Variants in AQR observed in about 807,000 individuals in gnomAD.
The protein encoded by AQR is aquarius intron-binding spliceosomal factor.
A neutral mutation model predicts 180.5 loss-of-function variants in AQR; 61 were observed. That is an observed-to-expected ratio of 0.34 (90% confidence interval 0.28 to 0.42). AQR has a LOEUF of 0.42. Among genes scored for constraint, AQR ranks in the 10% least tolerant of loss-of-function variants. The probability of loss-of-function intolerance (pLI) is 1.00; values close to 1 mark genes in which losing one functional copy is unlikely to be tolerated. For synonymous variants in AQR, 551 were observed against 588.8 expected (o/e 0.94, Z 0.93); for missense variants, 1,281 against 1,798.3 (o/e 0.71, Z 5.20).
intron 33 of AQR, among the ~76,000 whole-genome samples, chr15:34,861,976 A>C (rs1356009769): frequency 6.6e-6 from 1 of 152,148 alleles, no homozygotes; most frequent in African/African-American, 2.4e-5. Flanking sequence ...AGCAAAGCCC[A>C]AAAGTCTATA....
intron 2 of AQR, among the ~76,000 whole-genome samples, chr15:34,961,104 T>G (rs1316266188): frequency 1.3e-5 from 2 of 152,146 alleles, no homozygotes; most frequent in East Asian, 3.8e-4. Context: ...AGATCAGGAT[T>G]TTTTTTAAAC....
intron 10 of AQR, 115 bp downstream of exon 10, chr15:34,934,456 T>C (rs945023480): frequency 2.7e-5 from 12 of 446,266 alleles, no homozygotes; most frequent in African/African-American, 2.5e-4. Context: ...ATAATAAATA[T>C]ATACATATGT....
At chr15:34,910,061 T>C (rs1253273873) in intron 17 of AQR, 74 bp downstream of exon 17, 1 of 1,511,612 alleles carries the variant, frequency 6.6e-7, no homozygotes, top group African/African-American at 1.4e-5. Flanking sequence ...TTAGTAAAAG[T>C]ACTTTGTTAA....
chr15:34,962,604 A>T (rs1172893645), intron 2 of AQR, among the ~76,000 whole-genome samples: 1 of 152,012 alleles, frequency 6.6e-6, no homozygotes, highest in Non-Finnish European at 1.5e-5. Flanking sequence ...CCCCGTCTCT[A>T]CTAAAAATAC....
At chr15:34,962,586 T>C (rs2050285996) in intron 2 of AQR, among the ~76,000 whole-genome samples, 2 of 151,952 alleles carry the variant, frequency 1.3e-5, no homozygotes. Context: ...CTGGCCAACA[T>C]GGTAAAACCC....
Position 34,906,555 on chromosome 15 carries a change from G to T in AQR, c.1821C>A (p.Val607=). The T allele has an allele frequency of 1.2e-6, 2 of 1,613,860 alleles. No homozygotes were observed. Among genetic ancestry groups the T allele is most frequent in the South Asian group, 1.1e-5 (1 of 91,026 alleles). ...IQGMLDDKGR[V]IEDGPEPRPN... ...TATAGGTCACCATACCATCTTCAATGACACGTCCTTTATCATCCAGCATGC... is the reference window on the plus strand; with the variant it reads ...TATAGGTCACCATACCATCTTCAATTACACGTCCTTTATCATCCAGCATGC... The change falls in exon 18 of 35, where the codon GTC becomes GTA. Residue 607 remains valine, a synonymous_variant. Coordinates refer to ENST00000156471, the MANE Select transcript of AQR (RefSeq NM_014691.3).
chr15:34,918,588 A>G (rs977216012), intron 14 of AQR, among the ~76,000 whole-genome samples: 6 of 152,316 alleles, frequency 3.9e-5, no homozygotes, highest in African/African-American at 1.4e-4. Flanking sequence ...TTCAAATCCC[A>G]GCTCCTCTAC....
chr15:34,904,226 CATT>C, intron 19 of AQR, 107 bp downstream of exon 19: 1 of 662,574 alleles, frequency 1.5e-6, no homozygotes, highest in Non-Finnish European at 2.3e-6. Context: ...TAAAAGCAGT[CATT>C]ATTTTTTTCT....
At chr15:34,913,447 G>A (rs1200885055) in intron 16 of AQR, among the ~76,000 whole-genome samples, 2 of 151,934 alleles carry the variant, frequency 1.3e-5, no homozygotes, top group African/African-American at 2.4e-5. Context: ...TTTAGGTTTC[G>A]ACATTTTTAA....
chr15:34,878,998 A>G (rs1892929017), intron 27 of AQR, among the ~76,000 whole-genome samples: 1 of 151,980 alleles, frequency 6.6e-6, no homozygotes. Context: ...ACTGCACTCT[A>G]GCCTGGGCAA....
rs890464537 is a variant in AQR, at chr15:34,964,819, T to C, written c.76-529A>G. Reference sequence around the variant, plus strand: ...ATTACAGAGAATATAAGAGCTGGCATATTTCAGCAGATTAGGCTTGACCTG... The same window carrying C: ...ATTACAGAGAATATAAGAGCTGGCACATTTCAGCAGATTAGGCTTGACCTG... On this transcript the variant is annotated intron_variant, in intron 1 of 34. Coordinates refer to ENST00000156471, the MANE Select transcript of AQR (RefSeq NM_014691.3). 7.9e-5 allele frequency among the ~76,000 whole-genome samples: 12 copies of C among 151,854 alleles called. 1 individual carries two copies.
intron 20 of AQR, among the ~76,000 whole-genome samples, chr15:34,899,697 G>C (rs1017751996): frequency 3.3e-5 from 5 of 150,468 alleles, no homozygotes; most frequent in Non-Finnish European, 7.4e-5. Context: ...TATATATACA[G>C]TTGAAAGCTG....
chr15:34,865,428 C>G lies in AQR; in HGVS notation c.3854+2096G>C, dbSNP rs138149710. Among the ~76,000 whole-genome samples the G allele has an allele frequency of 5.0e-3, 761 of 152,162 alleles. 4 individuals are homozygous for G. Among genetic ancestry groups the G allele is most frequent in the Non-Finnish European group, 7.3e-3 (494 of 67,968 alleles). On this transcript the variant is annotated intron_variant, in intron 32 of 34. Coordinates refer to ENST00000156471, the MANE Select transcript of AQR (RefSeq NM_014691.3). Reference sequence around the variant, plus strand: ...TGAAGCTGGCTCCAACCCAATCACCCAATTAGTCCACCCTGGCTGAAAAAA... The same window carrying G: ...TGAAGCTGGCTCCAACCCAATCACCGAATTAGTCCACCCTGGCTGAAAAAA...
chr15:34,946,908 G>A (rs1473717208), intron 5 of AQR, among the ~76,000 whole-genome samples: 18 of 148,482 alleles, frequency 1.2e-4, no homozygotes, highest in African/African-American at 3.3e-4. Flanking sequence ...CCCCCCGTCC[G>A]GCCAGCCGCC....
Position 34,930,292 on chromosome 15 carries a change from G to A in AQR, c.980C>T (p.Thr327Ile). 1 of 1,607,426 alleles carries A rather than the reference G, an allele frequency of 6.2e-7. No individual in the cohort carries two copies. Among genetic ancestry groups the A allele is most frequent in the Non-Finnish European group, 8.5e-7 (1 of 1,174,912 alleles). ...AGTAATTCTATCATAGTGAATTGTG[G>A]TCATCTCATTCTCTGTCAGAGCATT... ...TGNALTENEMTTIHYDRITSL... is the reference protein window; with the variant it reads ...TGNALTENEMITIHYDRITSL... The change falls in exon 12 of 35, where the codon ACC (threonine) becomes ATC (isoleucine). Residue 327 changes from threonine to isoleucine, a missense_variant. Physicochemically the swap from Thr to Ile is moderately conservative, Grantham distance 89 (BLOSUM62 -1). Transcript: ENST00000156471.
In AQR at chr15:34,927,271, C is replaced by T. The variant is rs116522264; in HGVS notation, c.1015-133G>A. 3.3e-3 allele frequency: 1,385 copies of T among 425,998 alleles called. 11 individuals carry two copies. Among genetic ancestry groups the T allele is most frequent in the African/African-American group, 0.022 (1,088 of 48,462 alleles). 26.4% of individuals were successfully genotyped at this position (425,998 alleles called of 1,614,324 possible). A position where few individuals can be genotyped will look rare whatever the true frequency, so the allele number is the denominator to read the frequency against. On this transcript the variant is annotated intron_variant, in intron 12 of 34. Coordinates refer to ENST00000156471, the MANE Select transcript of AQR (RefSeq NM_014691.3). The stretch of plus-strand genomic sequence containing the variant: ...CTCTTATATGCTTCTTTTATGTGAC[C>T]TCTACCTTAATCAGACAGAAGCATA...
At chr15:34,937,831 C>T (rs1201692143) in intron 9 of AQR, among the ~76,000 whole-genome samples, 3 of 151,830 alleles carry the variant, frequency 2.0e-5, no homozygotes, top group Admixed American at 1.3e-4. Context: ...TTGCAGTGAG[C>T]CAAGATTGTG....
chr15:34,908,279 T>C (rs763901653), intron 17 of AQR, among the ~76,000 whole-genome samples: 3 of 151,888 alleles, frequency 2.0e-5, no homozygotes, highest in African/African-American at 4.8e-5. Context: ...CTACTAAAAA[T>C]ACAAAAAATT....
At chr15:34,935,966 C>T (rs946027969) in intron 9 of AQR, among the ~76,000 whole-genome samples, 8 of 152,120 alleles carry the variant, frequency 5.3e-5, no homozygotes, top group African/African-American at 1.9e-4. Flanking sequence ...TCTTTATTTA[C>T]GTCTTGACAA....
Sources: gnomAD v4.1 joint callset for allele counts (sites outside exome capture counted in the v4.1 genomes callset) on GRCh38, gnomAD v4.1.1 for gene constraint, MANE v1.5 for transcripts, NCBI Gene and HGNC (gene_info 2026-07-23, HGNC 2026-07-21) for gene names.